Variants in CACNA1C observed in about 807,000 individuals in gnomAD.
CACNA1C encodes the protein calcium voltage-gated channel subunit alpha1 C, also known as voltage-dependent L-type calcium channel subunit alpha-1C.
CACNA1C carries 30 observed loss-of-function variants against 229.0 expected under a neutral mutation model. That is an observed-to-expected ratio of 0.13 (90% CI 0.10 to 0.18). The LOEUF is 0.18. CACNA1C is among the 10% of genes least tolerant of loss of function. CACNA1C has a pLI of 1.00. For missense variants in CACNA1C, 1,658 were observed against 2,845.0 expected, an observed-to-expected ratio of 0.58 and a Z score of 9.49; for synonymous variants, 1,114 against 1,132.5, an observed-to-expected ratio of 0.98 and a Z score of 0.33.
chr12:2,462,328 C>T (rs1032809005), intron 5 of CACNA1C, among the ~76,000 whole-genome samples: 89 of 119,248 alleles, frequency 7.5e-4, no homozygotes, highest in African/African-American at 1.9e-3. Context: ...CGCACCTCCT[C>T]GGCCCGCCCC....
intron 13 of CACNA1C, among the ~76,000 whole-genome samples, chr12:2,577,968 A>G (rs370759297): frequency 6.7e-6 from 1 of 149,836 alleles, no homozygotes; most frequent in African/African-American, 2.5e-5. Flanking sequence ...TCCCGGGTTC[A>G]CGCCATTCTC....
intron 2 of CACNA1C, among the ~76,000 whole-genome samples, chr12:2,117,745 G>A (rs941714372): frequency 1.4e-4 from 22 of 152,244 alleles, no homozygotes; most frequent in Non-Finnish European, 2.5e-4. Context: ...GGGACACGCC[G>A]GACCTGGATC....
In CACNA1C at chr12:2,602,614, T is replaced by C. The variant is rs1024158860; in HGVS notation, c.2960+654T>C. On this transcript the variant is annotated intron_variant, in intron 22 of 46. Coordinates refer to ENST00000399655, the MANE Select transcript of CACNA1C (RefSeq NM_000719.7). The surrounding 1 kb of genome is among the most constrained non-coding windows in gnomAD (Gnocchi z 4.4). ...GTGTGAGTGCATGTATGTGTGTGAC[T>C]GTGTATATTTGTGTCTTGTGTGTGT... Among the ~76,000 whole-genome samples the C allele has an allele frequency of 7.3e-6, 1 of 137,672 alleles. No individual in the cohort carries two copies. The highest frequency in any genetic ancestry group is 2.7e-5 in the African/African-American group (1 of 36,708). The allele number at this position is 137,672 out of a possible 152,430, so 90.3% of individuals were successfully genotyped here.
rs1051671273 is a variant in CACNA1C at position 2,696,277 on chromosome 12, T to C, written c.*5078T>C. 1.3e-5 allele frequency: 2 copies of C among 151,568 alleles called. No homozygotes were observed. Among genetic ancestry groups the C allele is most frequent in the Non-Finnish European group, 2.9e-5 (2 of 67,918 alleles). The allele number at this position is 151,568 out of a possible 1,614,324, so 9.4% of individuals were successfully genotyped here. ...CAAATCTGTTGCACGCTGAGAGGAG[T>C]CAGAATTAGCATTTTTCATGAAAGT... On this transcript the variant is annotated 3_prime_UTR_variant, in exon 47 of 47. Coordinates refer to ENST00000399655, the MANE Select transcript of CACNA1C (RefSeq NM_000719.7).
intron 11 of CACNA1C, among the ~76,000 whole-genome samples, chr12:2,560,336 C>A (rs766502119): frequency 3.3e-5 from 5 of 152,186 alleles, no homozygotes; most frequent in Non-Finnish European, 5.9e-5. Context: ...CTCAAACTGG[C>A]CTTTTCCTTT....
intron 3 of CACNA1C, among the ~76,000 whole-genome samples, chr12:2,400,765 CG>C (rs2098666063): frequency 6.6e-6 from 1 of 152,114 alleles, no homozygotes; most frequent in South Asian, 2.1e-4. Flanking sequence ...ACTGAGTGCA[CG>C]GCCCTGACAG....
At chr12:2,623,394 G>A (rs2084460050) in intron 29 of CACNA1C, among the ~76,000 whole-genome samples, 1 of 152,022 alleles carries the variant, frequency 6.6e-6, no homozygotes, top group African/African-American at 2.4e-5. Context: ...GCTCTGGCCG[G>A]CCCCGTCCTC....
intron 8 of CACNA1C, among the ~76,000 whole-genome samples, chr12:2,507,474 G>A (rs749845989): frequency 3.3e-5 from 5 of 152,188 alleles, no homozygotes; most frequent in African/African-American, 7.2e-5. Flanking sequence ...AGCCAGGACC[G>A]TAGAATAGTC....
intron 3 of CACNA1C, among the ~76,000 whole-genome samples, chr12:2,447,461 T>C (rs950656858): frequency 6.6e-6 from 1 of 152,196 alleles, no homozygotes; most frequent in Non-Finnish European, 1.5e-5. Context: ...CAGAAACACC[T>C]GGAAATTGTC....
intron 39 of CACNA1C, chr12:2,676,060 G>A (rs1217725074): frequency 6.6e-6 from 1 of 152,196 alleles, no homozygotes; most frequent in African/African-American, 2.4e-5. Flanking sequence ...TTTGCTCAGG[G>A]AACTAAAGTT....
intron 29 of CACNA1C, among the ~76,000 whole-genome samples, chr12:2,628,997 T>C (rs972055318): frequency 2.0e-5 from 3 of 152,176 alleles, no homozygotes; most frequent in Non-Finnish European, 4.4e-5. Context: ...AGGCATCTCT[T>C]GGATTTTTTT....
At chr12:2,514,649 A>T (rs2099792296) in intron 9 of CACNA1C, among the ~76,000 whole-genome samples, 1 of 152,202 alleles carries the variant, frequency 6.6e-6, no homozygotes, top group Non-Finnish European at 1.5e-5. Flanking sequence ...CTCCACCCTA[A>T]GTCAGAGCAC....
rs765512209 is a variant in CACNA1C at position 2,403,298 on chromosome 12, C to T, written c.478-45678C>T. Reference sequence around the variant, plus strand: ...GACTGACCTTCTGGTCTTGGCCACACAGCTGACTAGCTGCTTGTGTCATTG... The same window carrying T: ...GACTGACCTTCTGGTCTTGGCCACATAGCTGACTAGCTGCTTGTGTCATTG... On this transcript the variant is annotated intron_variant, in intron 3 of 46. Coordinates refer to ENST00000399655, the MANE Select transcript of CACNA1C (RefSeq NM_000719.7). The surrounding 1 kb of genome is among the most constrained non-coding windows in gnomAD (Gnocchi z 4.1). Among the ~76,000 whole-genome samples, 2 of 152,238 alleles carry T rather than the reference C, an allele frequency of 1.3e-5. No individual in the cohort carries two copies. Among genetic ancestry groups the T allele is most frequent in the Non-Finnish European group, 2.9e-5 (2 of 68,040 alleles).
At chr12:2,041,270 CTTTTTTT>C (rs58922699) in intron 1 of CACNA1C, among the ~76,000 whole-genome samples, 57 of 91,010 alleles carry the variant, frequency 6.3e-4, no homozygotes, top group South Asian at 1.3e-3. Flanking sequence ...TAAGGGTATT[CTTTTTTT>C]TTTTTTTTTT....
At chr12:2,684,809 T>G (rs562148823) in intron 43 of CACNA1C, among the ~76,000 whole-genome samples, 1 of 152,266 alleles carries the variant, frequency 6.6e-6, no homozygotes, top group African/African-American at 2.4e-5. Flanking sequence ...GAGCTAGTCT[T>G]GAAGGTATAA....
Position 2,688,442 on chromosome 12 carries a change from C to A in CACNA1C, c.5785-5C>A. The A allele has an allele frequency of 1.2e-6, 2 of 1,613,674 alleles. No homozygotes were observed. The highest frequency in any genetic ancestry group is 8.5e-7 in the Non-Finnish European group (1 of 1,179,752). Reference sequence around the variant, plus strand: ...TATTAACTCACACTCCTTGTGTGTCCGCAGGCATTGGCAGTGGCAGGCCTG... The same window carrying A: ...TATTAACTCACACTCCTTGTGTGTCAGCAGGCATTGGCAGTGGCAGGCCTG... On this transcript the variant is annotated splice_region_variant and splice_polypyrimidine_tract_variant and intron_variant, in intron 45 of 46. Coordinates refer to ENST00000399655, the MANE Select transcript of CACNA1C (RefSeq NM_000719.7).
At chr12:2,158,032 A>G (rs1350255796) in intron 3 of CACNA1C, among the ~76,000 whole-genome samples, 2 of 152,208 alleles carry the variant, frequency 1.3e-5, no homozygotes, top group Non-Finnish European at 2.9e-5. Flanking sequence ...GGAAATTAGG[A>G]GTAAAAAAAA....
At chr12:2,266,615 C>T (rs146839845) in intron 3 of CACNA1C, among the ~76,000 whole-genome samples, 2,409 of 152,338 alleles carry the variant, frequency 0.016, 31 homozygotes, top group Non-Finnish European at 0.027. Context: ...ATAGACCTGG[C>T]TCTGGTTTGG....
intron 3 of CACNA1C, among the ~76,000 whole-genome samples, chr12:2,254,620 C>A (rs1002391419): frequency 6.6e-6 from 1 of 152,182 alleles, no homozygotes; most frequent in Non-Finnish European, 1.5e-5. Context: ...TACTGCTCAC[C>A]CCTGTCCCCT....
Sources: allele counts gnomAD v4.1 joint callset (sites outside exome capture counted in the v4.1 genomes callset), GRCh38; gene constraint gnomAD v4.1.1; non-coding constraint Gnocchi (gnomAD v3.1); transcripts MANE v1.5; gene names NCBI Gene and HGNC (gene_info 2026-07-23, HGNC 2026-07-21).